The following HKDC1 variants were observed in gnomAD, a reference collection of about 807,000 sequenced individuals.
HKDC1 encodes the protein hexokinase HKDC1.
Under a neutral mutation model 96.6 loss-of-function variants are expected in HKDC1, and 66 were observed. The observed-to-expected ratio is 0.68, with a 90% CI of 0.56 to 0.84. HKDC1 has a LOEUF of 0.84. Among genes scored for constraint, HKDC1 ranks in the 40% least tolerant of loss-of-function variants. The pLI, the probability that HKDC1 is intolerant of heterozygous loss-of-function variation, is 0.00. For synonymous variants in HKDC1, 466 were observed against 473.1 expected (o/e 0.98, Z 0.20); for missense variants, 1,211 against 1,208.1 (o/e 1.00, Z -0.04).
intron 1 of HKDC1, among the ~76,000 whole-genome samples, chr10:69,221,277 G>A (rs1843058872): frequency 6.6e-6 from 1 of 152,156 alleles, no homozygotes; most frequent in African/African-American, 2.4e-5. Context: ...CCTGCTATTT[G>A]CCAATGGTAC....
intron 15 of HKDC1, among the ~76,000 whole-genome samples, chr10:69,259,832 CA>C (rs1843779980): frequency 6.6e-6 from 1 of 152,180 alleles, no homozygotes; most frequent in Non-Finnish European, 1.5e-5. Flanking sequence ...ACCAGAACAA[CA>C]GGGGGGAAAT....
chr10:69,233,561 G>A (rs1193985353), intron 4 of HKDC1, among the ~76,000 whole-genome samples: 2 of 152,126 alleles, frequency 1.3e-5, no homozygotes, highest in Non-Finnish European at 2.9e-5. Flanking sequence ...GGAAGGCTGG[G>A]GAGTCTCTCC....
At chr10:69,235,597 A>G (rs1843348931) in intron 4 of HKDC1, among the ~76,000 whole-genome samples, 1 of 152,172 alleles carries the variant, frequency 6.6e-6, no homozygotes, top group Non-Finnish European at 1.5e-5. Context: ...CCTGTAGTGC[A>G]GGTGGTGGAG....
chr10:69,256,983 G>A (rs754439751), intron 12 of HKDC1, 53 bp from the exon 13 acceptor site: 30 of 1,328,598 alleles, frequency 2.3e-5, no homozygotes, highest in Non-Finnish European at 3.2e-5. Context: ...TTGAGGTTGT[G>A]CAGTGGCCCT....
Position 69,257,103 on chromosome 10 carries a change from T to C in HKDC1, c.1904T>C (p.Met635Thr). The change falls in exon 13 of 18, where the codon ATG becomes ACG. Residue 635 changes from methionine (M) to threonine (T), a missense_variant. Physicochemically the swap from Met to Thr is moderately conservative, Grantham distance 81. Coordinates refer to ENST00000354624, the MANE Select transcript of HKDC1 (RefSeq NM_025130.4). ...TGTGAAGGGGAGGACGTGGTGGACA[T>C]GCTCAGGGAAGCCATCAAGAGGAGA... is the stretch of plus-strand genomic sequence containing the variant. ...TDCEGEDVVD[M>T]LREAIKRRNE... 1 of 1,614,100 alleles carries C rather than the reference T, an allele frequency of 6.2e-7. No homozygotes were observed. The highest frequency in any genetic ancestry group is 8.5e-7 in the Non-Finnish European group (1 of 1,180,012).
Position 69,250,375 on chromosome 10 carries a change from G to A in HKDC1, c.1656G>A (p.Val552=). 1.2e-6 allele frequency: 2 copies of A among 1,614,144 alleles called. No individual in the cohort carries two copies. The part of the protein sequence containing the change: ...LVKIRSGRRS[V]RMYNKIFAIP... ...AGATCAGAAGTGGACGGAGGTCAGT[G>A]CGAATGTACAACAAGATCTTCGCCA... The change falls in exon 11 of 18, where the codon GTG becomes GTA. Residue 552 remains valine, a synonymous_variant. Transcript: ENST00000354624.
At chr10:69,259,349 G>A (rs1188151389) in intron 15 of HKDC1, among the ~76,000 whole-genome samples, 1 of 152,198 alleles carries the variant, frequency 6.6e-6, no homozygotes, top group African/African-American at 2.4e-5. Flanking sequence ...TGGGAGTGGG[G>A]AAGTGGCCAC....
At position 69,232,789 on chromosome 10, in the gene HKDC1, T is replaced by C; in HGVS notation, c.252T>C (p.Asp84=). 1 of 1,614,166 alleles carries C rather than the reference T, an allele frequency of 6.2e-7. No homozygotes were observed. Residue 84 remains aspartate (D), a synonymous_variant, in exon 3 of 18, where the codon GAT becomes GAC. Coordinates refer to ENST00000354624, the MANE Select transcript of HKDC1 (RefSeq NM_025130.4). The stretch of plus-strand genomic sequence containing the variant: ...AAAATGGGGAGTTCCTTTCCCTGGA[T>C]CTCGGAGGGTCCAAGTTCCGAGTGC... The part of the protein sequence containing the change: ...GSENGEFLSL[D]LGGSKFRVLK...
intron 5 of HKDC1, among the ~76,000 whole-genome samples, chr10:69,240,351 A>T (rs1157345020): frequency 6.6e-6 from 1 of 152,094 alleles, no homozygotes; most frequent in African/African-American, 2.4e-5. Context: ...TTTTAAATTA[A>T]AAAAAACATC....
intron 1 of HKDC1, among the ~76,000 whole-genome samples, chr10:69,226,872 G>A (rs991308893): frequency 6.6e-6 from 1 of 152,150 alleles, no homozygotes; most frequent in African/African-American, 2.4e-5. Context: ...CACTGGTGAG[G>A]GCCCTGAACT....
intron 4 of HKDC1, among the ~76,000 whole-genome samples, chr10:69,236,019 C>T (rs181188396): frequency 6.6e-6 from 1 of 152,136 alleles, no homozygotes; most frequent in Admixed American, 6.5e-5. Flanking sequence ...CCAAGAGTAG[C>T]CCACCCCAAG....
At chr10:69,221,110 A>G (rs2132324361) in intron 1 of HKDC1, among the ~76,000 whole-genome samples, 1 of 152,234 alleles carries the variant, frequency 6.6e-6, no homozygotes, top group Non-Finnish European at 1.5e-5. Flanking sequence ...AGATCGCGCC[A>G]TTGCACTCCA....
intron 7 of HKDC1, among the ~76,000 whole-genome samples, chr10:69,243,586 T>C (rs1843490754): frequency 6.7e-6 from 1 of 148,908 alleles, no homozygotes; most frequent in Admixed American, 6.8e-5. Context: ...AACCTCCACC[T>C]TCCAGGCTCA....
intron 12 of HKDC1, 124 bp from the exon 13 acceptor site, chr10:69,256,912 A>G (rs1843724357): frequency 1.1e-5 from 8 of 712,018 alleles, no homozygotes; most frequent in Non-Finnish European, 2.0e-5. Flanking sequence ...AGGTGGAGGC[A>G]TAGTCAAAAG....
Position 69,246,063 on chromosome 10 carries a change from G to A in HKDC1, c.876-16G>A, listed in dbSNP as rs754527289. 1 of 1,613,410 alleles carries A rather than the reference G, an allele frequency of 6.2e-7. No homozygotes were observed. The highest frequency in any genetic ancestry group is 1.3e-5 in the African/African-American group (1 of 74,910). ...TCAAAGGGGCTGCGTCCACAGATCT[G>A]TTCACCAACCTGCAGGTTCGAGAAG... On this transcript the variant is annotated splice_polypyrimidine_tract_variant and intron_variant, in intron 7 of 17. Coordinates refer to ENST00000354624, the MANE Select transcript of HKDC1 (RefSeq NM_025130.4).
Position 69,232,910 on chromosome 10 carries a change from G to C in HKDC1, c.373G>C (p.Glu125Gln), listed in dbSNP as rs200060654. 1 of 1,612,306 alleles carries C rather than the reference G, an allele frequency of 6.2e-7. No homozygotes were observed. The highest frequency in any genetic ancestry group is 1.3e-5 in the African/African-American group (1 of 75,062). Residue 125 changes from glutamate to glutamine, a missense_variant and splice_region_variant, in exon 3 of 18, where the codon GAG becomes CAG. Physicochemically the swap from Glu to Gln is conservative, Grantham distance 29. Coordinates refer to ENST00000354624, the MANE Select transcript of HKDC1 (RefSeq NM_025130.4). ...PNEIIRGNGT[E>Q]LFEYVADCLA... ...TGAAATCATCCGCGGGAACGGCACA[G>C]AGGTACCTGGCAGGTGGCTCCTGTG...
intron 4 of HKDC1, among the ~76,000 whole-genome samples, chr10:69,236,101 G>T (rs1345059073): frequency 6.7e-6 from 1 of 150,246 alleles, no homozygotes; most frequent in Non-Finnish European, 1.5e-5. Context: ...AATGGCAGCA[G>T]GTGCCTGAAA....
chr10:69,250,453 C>G lies in HKDC1; in HGVS notation c.1716+18C>G. The G allele has an allele frequency of 6.2e-7, 1 of 1,611,868 alleles. No individual in the cohort carries two copies. Among genetic ancestry groups the G allele is most frequent in the South Asian group, 1.1e-5 (1 of 91,006 alleles). On this transcript the variant is annotated intron_variant, in intron 11 of 17. Coordinates refer to ENST00000354624, the MANE Select transcript of HKDC1 (RefSeq NM_025130.4). ...GTGAGGAGGTAAGTGCCAGGCAAGG[C>G]CTTTGGGCTCCGAGGTGCCAGCCTG... is the stretch of plus-strand genomic sequence containing the variant.
chr10:69,265,307 G>A, intron 16 of HKDC1: 1 of 405,050 alleles, frequency 2.5e-6, no homozygotes, highest in East Asian at 5.6e-5. Context: ...TGTGTTGGTT[G>A]CTGCAGCTCA....
Sources: gnomAD v4.1 joint callset for allele counts (sites outside exome capture counted in the v4.1 genomes callset) on GRCh38, gnomAD v4.1.1 for gene constraint, MANE v1.5 for transcripts, NCBI Gene and HGNC (gene_info 2026-07-23, HGNC 2026-07-21) for gene names.